RPS6KA2: variants seen among roughly 807,000 people sequenced by gnomAD.
RPS6KA2 encodes the protein ribosomal protein S6 kinase alpha-2.
In RPS6KA2, 42 loss-of-function variants were observed where a neutral mutation model predicts 91.8. The ratio of observed to expected loss-of-function variants is 0.46; its 90% CI spans 0.36 to 0.59. The LOEUF (loss-of-function observed/expected upper bound fraction) is 0.59. Among genes scored for constraint, RPS6KA2 ranks in the 20% least tolerant of loss-of-function variants. The pLI is 0.00. For synonymous variants in RPS6KA2, 414 were observed against 393.6 expected (o/e 1.05, Z -0.61); for missense variants, 798 against 978.5 (o/e 0.82, Z 2.46).
chr6:166,858,159 T>A, intron 2 of RPS6KA2: 1 of 1,208,012 alleles, frequency 8.3e-7, no homozygotes, highest in South Asian at 1.2e-5. Context: ...GGGCCCAATC[T>A]CCCCAAACAA....
At chr6:166,772,711 T>C (rs868584095) in intron 2 of RPS6KA2, among the ~76,000 whole-genome samples, 1 of 152,296 alleles carries the variant, frequency 6.6e-6, no homozygotes, top group Middle Eastern at 3.4e-3. Flanking sequence ...GCCCCACAGA[T>C]GGCGCTACTA....
At chr6:166,731,724 C>A (rs1275327634) in intron 2 of RPS6KA2, among the ~76,000 whole-genome samples, 5 of 151,772 alleles carry the variant, frequency 3.3e-5, no homozygotes, top group Non-Finnish European at 5.9e-5. Context: ...CGCAATGCTT[C>A]TGTAATCTGC....
rs141512424 is a variant in RPS6KA2, at chr6:166,740,981, C to T, written c.123+117219G>A. Among the ~76,000 whole-genome samples, 823 of 152,356 alleles carry T rather than the reference C, an allele frequency of 5.4e-3. 10 individuals are homozygous for T. Among genetic ancestry groups the T allele is most frequent in the Non-Finnish European group, 7.1e-3 (480 of 68,038 alleles). On this transcript the variant is annotated intron_variant, in intron 2 of 21. Coordinates refer to the RPS6KA2 transcript ENST00000503859. ...ACCAACTGGAAATGCGCGTATGTCA[C>T]GACACGGCTCCATGCCTACATGCAC... is the stretch of plus-strand genomic sequence containing the variant.
rs543393996 is a variant in RPS6KA2 at position 166,717,490 on chromosome 6, C to T, written c.123+140710G>A. Among the ~76,000 whole-genome samples, 4 of 152,278 alleles carry T rather than the reference C, an allele frequency of 2.6e-5. No homozygotes were observed. In the East Asian group the frequency reaches 7.7e-4, roughly 29 times the overall value. ...ATGGGAAGAAGGCCAGGGAATTTTGCAAGTGGGAGCCAGGTGAGGAGAGCT... is the reference window on the plus strand; with the variant it reads ...ATGGGAAGAAGGCCAGGGAATTTTGTAAGTGGGAGCCAGGTGAGGAGAGCT... On this transcript the variant is annotated intron_variant, in intron 2 of 21. Transcript: ENST00000503859.
chr6:166,815,701 G>A (rs1358913526), intron 2 of RPS6KA2, among the ~76,000 whole-genome samples: 1 of 152,202 alleles, frequency 6.6e-6, no homozygotes, highest in Non-Finnish European at 1.5e-5. Context: ...ATATATGTCA[G>A]TGGCAATGGA....
chr6:166,501,021 C>T (rs199502575), intron 6 of RPS6KA2, 97 bp from the exon 7 acceptor site: 363 of 1,164,870 alleles, frequency 3.1e-4, no homozygotes, highest in Middle Eastern at 1.1e-3. Context: ...CAGCTGGGGG[C>T]GGACGTTTTC....
At chr6:166,604,632 G>T (rs1785877585) in intron 1 of RPS6KA2, among the ~76,000 whole-genome samples, 1 of 152,204 alleles carries the variant, frequency 6.6e-6, no homozygotes, top group South Asian at 2.1e-4. Flanking sequence ...TCTGTCATGG[G>T]CTTGCTGTAA....
chr6:166,759,097 C>CTGTG (rs3066793), intron 2 of RPS6KA2, among the ~76,000 whole-genome samples: 14,135 of 151,656 alleles, frequency 0.093, 1,329 homozygotes, highest in East Asian at 0.29. Flanking sequence ...ATGTGTGTGC[C>CTGTG]TGTGTGTGCA....
intron 2 of RPS6KA2, among the ~76,000 whole-genome samples, chr6:166,670,242 G>A (rs145164572): frequency 4.6e-5 from 7 of 152,336 alleles, no homozygotes; most frequent in African/African-American, 7.2e-5. Context: ...TGCCCTTTTC[G>A]GCAGCCTGGT....
chr6:166,450,964 G>T, intron 13 of RPS6KA2, 139 bp downstream of exon 13: 1 of 997,108 alleles, frequency 1.0e-6, no homozygotes. Context: ...AATGGGAAGT[G>T]TGAGGGAAGA....
chr6:166,655,589 C>T (rs1027041082), intron 2 of RPS6KA2, among the ~76,000 whole-genome samples: 2 of 152,216 alleles, frequency 1.3e-5, no homozygotes, highest in Admixed American at 1.3e-4. Flanking sequence ...AACTGAAGAC[C>T]AGGCTGGAAA....
At chr6:166,604,215 T>G (rs993760800) in intron 1 of RPS6KA2, among the ~76,000 whole-genome samples, 4 of 152,172 alleles carry the variant, frequency 2.6e-5, no homozygotes, top group African/African-American at 9.7e-5. Flanking sequence ...GGACAAATGA[T>G]CTGGGAAATC....
intron 2 of RPS6KA2, among the ~76,000 whole-genome samples, chr6:166,721,183 A>G (rs567787889): frequency 1.2e-4 from 19 of 152,354 alleles, no homozygotes; most frequent in African/African-American, 4.1e-4. Context: ...ACATCAAAAC[A>G]TCTATGGATA....
intron 3 of RPS6KA2, among the ~76,000 whole-genome samples, chr6:166,520,736 A>G (rs1166567719): frequency 6.6e-6 from 1 of 152,222 alleles, no homozygotes; most frequent in African/African-American, 2.4e-5. Context: ...AGGACTCAGA[A>G]AGAAAAGGAG....
rs1779215597 is a variant in RPS6KA2 at position 166,433,940 on chromosome 6, A to G, written c.1333-1450T>C. On this transcript the variant is annotated intron_variant, in intron 14 of 20. Transcript: ENST00000265678. This position sits in a 1 kb window ranked among gnomAD's most constrained non-coding sequence, Gnocchi z 4.4. ...CTCAGCTAATTTTTAAATTCTTTGT[A>G]GAGATGATGGGGTCTTGCTGTGTTG... Among the ~76,000 whole-genome samples the G allele has an allele frequency of 6.6e-6, 1 of 152,072 alleles. No individual in the cohort carries two copies. The highest frequency in any genetic ancestry group is 2.1e-4 in the South Asian group (1 of 4,812).
chr6:166,510,904 T>G (rs1489766905), intron 3 of RPS6KA2, among the ~76,000 whole-genome samples: 2 of 152,068 alleles, frequency 1.3e-5, no homozygotes, highest in Non-Finnish European at 2.9e-5. Context: ...GCCCTGTATT[T>G]TTTCGTGGAC....
At position 166,760,127 on chromosome 6, in the gene RPS6KA2, C is replaced by G. The variant is rs138670359; in HGVS notation, c.123+98073G>C. Among the ~76,000 whole-genome samples the G allele has an allele frequency of 4.9e-3, 745 of 152,316 alleles. 9 individuals are homozygous for G. Among genetic ancestry groups the G allele is most frequent in the African/African-American group, 0.017 (718 of 41,568 alleles). ...AAAACGGAAGGTTTCTTTTGGCTAT[C>G]TGTAACCTATTCATTCGGTTGGCAA... On this transcript the variant is annotated intron_variant, in intron 2 of 21. Transcript: ENST00000503859.
chr6:166,457,724 A>T (rs1484086295), intron 12 of RPS6KA2, among the ~76,000 whole-genome samples: 3 of 151,878 alleles, frequency 2.0e-5, no homozygotes, highest in Non-Finnish European at 2.9e-5. Context: ...AAGCCCCGCA[A>T]CCCTCCCTAT....
chr6:166,583,670 C>T (rs1220374167), intron 1 of RPS6KA2, among the ~76,000 whole-genome samples: 4 of 152,188 alleles, frequency 2.6e-5, no homozygotes, highest in African/African-American at 4.8e-5. Context: ...CTTATTAAAG[C>T]GCCAATGGCC....
Sources: allele counts gnomAD v4.1 joint callset (sites outside exome capture counted in the v4.1 genomes callset), GRCh38; gene constraint gnomAD v4.1.1; non-coding constraint Gnocchi (gnomAD v3.1); transcripts MANE v1.5; gene names NCBI Gene and HGNC (gene_info 2026-07-23, HGNC 2026-07-21).